Variants in C16orf87 observed in about 807,000 individuals in gnomAD.
The protein encoded by C16orf87 is UPF0547 protein C16orf87.
Under a neutral mutation model 21.0 loss-of-function variants are expected in C16orf87, and 13 were observed. The ratio of observed to expected loss-of-function variants is 0.62; its 90% CI spans 0.40 to 0.98. The LOEUF is 0.98. Among genes scored for constraint, C16orf87 ranks in the 50% least tolerant of loss-of-function variants. The pLI is 0.00. For missense variants in C16orf87, 113 were observed against 180.4 expected (o/e 0.63, Z 2.14); for synonymous variants, 49 against 60.2 (o/e 0.81, Z 0.86).
intron 3 of C16orf87, among the ~76,000 whole-genome samples, chr16:46,804,957 T>C (rs553704168): frequency 1.3e-5 from 2 of 152,380 alleles, no homozygotes; most frequent in South Asian, 2.1e-4. Flanking sequence ...CTGGGCAATA[T>C]TGCATTGTAT....
intron 2 of C16orf87, among the ~76,000 whole-genome samples, chr16:46,822,785 A>C (rs1170255046): frequency 6.6e-6 from 1 of 152,188 alleles, no homozygotes; most frequent in African/African-American, 2.4e-5. Flanking sequence ...AGCTAGAATG[A>C]TCTTTCTAAA....
At chr16:46,824,594 G>T in intron 1 of C16orf87, 112 bp from the exon 2 acceptor site, 3 of 449,990 alleles carry the variant, frequency 6.7e-6, no homozygotes, top group Non-Finnish European at 7.9e-6. Flanking sequence ...GAGGAATCAT[G>T]TATTTATTTA....
chr16:46,822,750 C>A (rs1036454457), intron 2 of C16orf87, among the ~76,000 whole-genome samples: 1 of 152,062 alleles, frequency 6.6e-6, no homozygotes, highest in Non-Finnish European at 1.5e-5. Flanking sequence ...ATATTTGTAC[C>A]CCTACAAACT....
chr16:46,810,214 A>T (rs754275750), intron 2 of C16orf87, among the ~76,000 whole-genome samples: 3 of 152,210 alleles, frequency 2.0e-5, no homozygotes, highest in African/African-American at 4.8e-5. Flanking sequence ...AGCAAAACTG[A>T]TCTTAGAGAT....
At chr16:46,827,726 G>A (rs1239547610) in intron 1 of C16orf87, among the ~76,000 whole-genome samples, 3 of 151,062 alleles carry the variant, frequency 2.0e-5, no homozygotes, top group African/African-American at 2.4e-5. Context: ...GGGATTACAG[G>A]TGCCTGTCAC....
chr16:46,828,811 T>A lies in C16orf87; in HGVS notation c.66+2273A>T, dbSNP rs560897116. ...ATGGCTTTCTGGATTATAATCATAT[T>A]CTGGCTTATAACTAAAAGAAGCTAG... On this transcript the variant is annotated intron_variant, in intron 1 of 3. Transcript: ENST00000285697. Among the ~76,000 whole-genome samples, 10 of 152,368 alleles carry A rather than the reference T, an allele frequency of 6.6e-5. No homozygotes were observed. In the South Asian group the frequency reaches 1.9e-3, roughly 28 times the overall value.
intron 1 of C16orf87, among the ~76,000 whole-genome samples, chr16:46,830,299 A>AGG: frequency 6.8e-6 from 1 of 148,114 alleles, no homozygotes; most frequent in Non-Finnish European, 1.5e-5. Context: ...AGAGAGAGAG[A>AGG]GAGAGAGAGA....
At chr16:46,816,914 T>C (rs376227811) in intron 2 of C16orf87, among the ~76,000 whole-genome samples, 1 of 152,358 alleles carries the variant, frequency 6.6e-6, no homozygotes, top group East Asian at 1.9e-4. Context: ...GATGCTTAGA[T>C]GTGCAATAAG....
At position 46,796,641 on chromosome 16, in the gene C16orf87, TGTGAA is replaced by T. The variant is rs1457664847; in HGVS notation, c.*6306_*6310del. 6.6e-6 allele frequency: 1 copy of T among 152,230 alleles called. No individual in the cohort carries two copies. The highest frequency in any genetic ancestry group is 1.5e-5 in the Non-Finnish European group (1 of 68,042). 9.4% of individuals were successfully genotyped at this position (152,230 alleles called of 1,614,324 possible). On this transcript the variant is annotated 3_prime_UTR_variant, in exon 4 of 4. Coordinates refer to ENST00000285697, the MANE Select transcript of C16orf87 (RefSeq NM_001001436.4). Reference sequence around the variant, plus strand: ...TATCTTTACTTTAGACATCCTACAATGTGAACATACATATTGAAACATCATGCTGC... The same window carrying T: ...TATCTTTACTTTAGACATCCTACAATCATACATATTGAAACATCATGCTGC...
chr16:46,811,502 CA>C (rs59450750), intron 2 of C16orf87, among the ~76,000 whole-genome samples: 100,399 of 134,700 alleles, frequency 0.75, 37,223 homozygotes, highest in Non-Finnish European at 0.79. Context: ...AACTCCATCT[CA>C]AAAAAAAAAA....
At chr16:46,824,710 G>A (rs997494532) in intron 1 of C16orf87, among the ~76,000 whole-genome samples, 16 of 140,210 alleles carry the variant, frequency 1.1e-4, no homozygotes, top group Non-Finnish European at 2.1e-4. Context: ...CTGTCACCCA[G>A]GCTGGAGTGC....
In C16orf87 at chr16:46,800,338, C is replaced by T. The variant is rs1323417999; in HGVS notation, c.*2614G>A. On this transcript the variant is annotated 3_prime_UTR_variant, in exon 4 of 4. Transcript: ENST00000285697. ...ACACAAGAAATAATTTGCACAATTT[C>T]CCTTACTTTTATATCATTTACATTT... is the stretch of plus-strand genomic sequence containing the variant. 1 of 152,132 alleles carries T rather than the reference C, an allele frequency of 6.6e-6. No individual in the cohort carries two copies. Among genetic ancestry groups the T allele is most frequent in the African/African-American group, 2.4e-5 (1 of 41,434 alleles). 9.4% of individuals were successfully genotyped at this position (152,132 alleles called of 1,614,324 possible). A position where few individuals can be genotyped will look rare whatever the true frequency, so the allele number is the denominator to read the frequency against.
chr16:46,803,122 T>C (rs765295026), intron 3 of C16orf87, 52 bp from the exon 4 acceptor site: 5 of 767,582 alleles, frequency 6.5e-6, no homozygotes, highest in Non-Finnish European at 6.6e-6. Flanking sequence ...ATGCAGTAAA[T>C]TTAAATTTTT....
At position 46,798,797 on chromosome 16, in the gene C16orf87, A is replaced by C. The variant is rs1333072376; in HGVS notation, c.*4155T>G. 1 of 152,154 alleles carries C rather than the reference A, an allele frequency of 6.6e-6. No individual in the cohort carries two copies. Among genetic ancestry groups the C allele is most frequent in the Non-Finnish European group, 1.5e-5 (1 of 68,048 alleles). 9.4% of individuals were successfully genotyped at this position (152,154 alleles called of 1,614,324 possible). ...TATGTTTCACCATATGAACATTCTA[A>C]AGGGGAGAAAAAAGGTCCTATCAAT... On this transcript the variant is annotated 3_prime_UTR_variant, in exon 4 of 4. Coordinates refer to ENST00000285697, the MANE Select transcript of C16orf87 (RefSeq NM_001001436.4).
intron 3 of C16orf87, among the ~76,000 whole-genome samples, chr16:46,808,901 A>G (rs1474863110): frequency 6.6e-6 from 1 of 152,032 alleles, no homozygotes; most frequent in Non-Finnish European, 1.5e-5. Flanking sequence ...GAAGCACACA[A>G]ATCTCCCAAT....
intron 3 of C16orf87, among the ~76,000 whole-genome samples, chr16:46,807,633 T>G (rs1967969053): frequency 6.6e-6 from 1 of 152,164 alleles, no homozygotes; most frequent in African/African-American, 2.4e-5. Context: ...CCTAGAACAT[T>G]TACTATCTGG....
At chr16:46,823,819 C>T (rs1236872628) in intron 2 of C16orf87, among the ~76,000 whole-genome samples, 1 of 152,142 alleles carries the variant, frequency 6.6e-6, no homozygotes, top group African/African-American at 2.4e-5. Context: ...TAAATAATTA[C>T]ACTCAGTGAA....
rs868654972 is a variant in C16orf87, at chr16:46,807,498, C to G, written c.346+2105G>C. Among the ~76,000 whole-genome samples, 10 of 151,992 alleles carry G rather than the reference C, an allele frequency of 6.6e-5. No homozygotes were observed. In the South Asian group the frequency reaches 8.3e-4, roughly 13 times the overall value. On this transcript the variant is annotated intron_variant, in intron 3 of 3. Transcript: ENST00000285697. ...AGTACAAGTAACAAATGTGGCCCAC[C>G]ACCTGCTTTATAAAGTATTACTGGA...
intron 3 of C16orf87, among the ~76,000 whole-genome samples, chr16:46,804,749 T>G (rs2143045332): frequency 6.6e-6 from 1 of 152,312 alleles, no homozygotes; most frequent in African/African-American, 2.4e-5. Context: ...TCCTCATGCT[T>G]CTTTCCAGCC....
Sources: allele counts gnomAD v4.1 joint callset (sites outside exome capture counted in the v4.1 genomes callset), GRCh38; gene constraint gnomAD v4.1.1; transcripts MANE v1.5; gene names NCBI Gene and HGNC (gene_info 2026-07-23, HGNC 2026-07-21).